Variants in ARHGEF10 observed in about 807,000 individuals in gnomAD.
ARHGEF10 encodes Rho guanine nucleotide exchange factor (GEF) 10.
A neutral mutation model predicts 147.4 loss-of-function variants in ARHGEF10; 140 were observed. That is an observed-to-expected ratio of 0.95 (90% CI 0.83 to 1.09). The LOEUF (loss-of-function observed/expected upper bound fraction) is 1.09. Among genes scored for constraint, ARHGEF10 ranks in the 50% least tolerant of loss-of-function variants. The probability of loss-of-function intolerance (pLI) is 0.00; values close to 1 mark genes in which losing one functional copy is unlikely to be tolerated. For synonymous variants in ARHGEF10, 902 were observed against 695.8 expected, an observed-to-expected ratio of 1.30 and a Z score of -4.67; for missense variants, 2,222 against 1,752.7, an observed-to-expected ratio of 1.27 and a Z score of -4.78.
chr8:1,832,539 GGC>G (rs1803206539), intron 1 of ARHGEF10, among the ~76,000 whole-genome samples: 1 of 149,176 alleles, frequency 6.7e-6, no homozygotes, highest in Non-Finnish European at 1.5e-5. Context: ...GAGACACAGA[GGC>G]AGAGGCAGAG....
chr8:1,866,420 C>T (rs1806616670), intron 5 of ARHGEF10, 106 bp from the exon 6 acceptor site: 9 of 816,528 alleles, frequency 1.1e-5, no homozygotes, highest in Middle Eastern at 2.4e-4. Flanking sequence ...TATATATATT[C>T]TGACACACAC....
intron 4 of ARHGEF10, among the ~76,000 whole-genome samples, chr8:1,863,738 G>A (rs546701013): frequency 6.6e-6 from 1 of 152,238 alleles, no homozygotes; most frequent in Admixed American, 6.5e-5. Context: ...CACCTGTGTG[G>A]AATGTTTGGG....
chr8:1,908,382 C>T (rs1369015729), intron 17 of ARHGEF10, among the ~76,000 whole-genome samples: 1 of 152,006 alleles, frequency 6.6e-6, no homozygotes, highest in Non-Finnish European at 1.5e-5. Context: ...AGGCACCCAC[C>T]ACCACACCCA....
intron 28 of ARHGEF10, among the ~76,000 whole-genome samples, chr8:1,954,877 G>C (rs1208702621): frequency 6.6e-6 from 1 of 152,244 alleles, no homozygotes; most frequent in African/African-American, 2.4e-5. Context: ...TGGTGCCACA[G>C]CTATAGTGCT....
intron 27 of ARHGEF10, among the ~76,000 whole-genome samples, chr8:1,946,976 G>A (rs543623419): frequency 1.3e-4 from 20 of 152,302 alleles, no homozygotes; most frequent in African/African-American, 4.8e-4. Context: ...AGTGAGAAAA[G>A]GAGGTTTATG....
intron 7 of ARHGEF10, among the ~76,000 whole-genome samples, chr8:1,871,694 T>G (rs1356439132): frequency 6.6e-6 from 1 of 152,182 alleles, no homozygotes; most frequent in Non-Finnish European, 1.5e-5. Context: ...GGTAGGCACC[T>G]GTAATTCCAG....
intron 18 of ARHGEF10, among the ~76,000 whole-genome samples, chr8:1,921,076 A>G (rs927448165): frequency 1.3e-5 from 2 of 152,138 alleles, no homozygotes; most frequent in Non-Finnish European, 2.9e-5. Flanking sequence ...GTGAGCCACT[A>G]TGCCTGGCCG....
chr8:1,858,109 C>G lies in ARHGEF10; in HGVS notation c.187C>G (p.Pro63Ala). ...GGAGASEAPA[P>A]TGGEDGAGAE... ...TGCTGGAGCCAGTGAAGCCCCTGCA[C>G]CCACAGGTGAGTTTCCAGGAGGGTC... The change falls in exon 3 of 29, where the codon CCC (proline) becomes GCC (alanine). Residue 63 changes from proline (P) to alanine (A), a missense_variant. Physicochemically the swap from Pro to Ala is conservative, Grantham distance 27 (BLOSUM62 -1). Coordinates refer to ENST00000349830, the MANE Select transcript of ARHGEF10 (RefSeq NM_014629.4). 1 of 1,541,784 alleles carries G rather than the reference C, an allele frequency of 6.5e-7. No homozygotes were observed. The highest frequency in any genetic ancestry group is 8.7e-7 in the Non-Finnish European group (1 of 1,143,426).
At chr8:1,833,035 G>C (rs866735470) in intron 1 of ARHGEF10, among the ~76,000 whole-genome samples, 2 of 4,108 alleles carry the variant, frequency 4.9e-4, no homozygotes, top group Non-Finnish European at 1.3e-3. Flanking sequence ...GACAGGCAGA[G>C]AGAGACAGAG....
At chr8:1,865,725 C>CCT (rs35815236) in intron 5 of ARHGEF10, among the ~76,000 whole-genome samples, 76,415 of 151,846 alleles carry the variant, frequency 0.5, 19,312 homozygotes, top group East Asian at 0.63. Context: ...CACGTGATTC[C>CCT]GTTAGTGACC....
intron 1 of ARHGEF10, among the ~76,000 whole-genome samples, chr8:1,836,113 A>G (rs1194418722): frequency 6.6e-6 from 1 of 151,832 alleles, no homozygotes; most frequent in African/African-American, 2.4e-5. Flanking sequence ...CCCGGGAGGC[A>G]GAGCTTGCAG....
At chr8:1,912,426 C>T (rs1452420845) in intron 18 of ARHGEF10, among the ~76,000 whole-genome samples, 1 of 138,654 alleles carries the variant, frequency 7.2e-6, no homozygotes, top group African/African-American at 2.7e-5. Flanking sequence ...GGGAGCTCAC[C>T]GTCCCTGCAA....
intron 2 of ARHGEF10, among the ~76,000 whole-genome samples, chr8:1,853,460 C>T (rs1805303111): frequency 1.3e-5 from 2 of 152,260 alleles, no homozygotes. Flanking sequence ...GAGATGCTTT[C>T]AGCAGCCCTT....
chr8:1,836,650 C>T (rs1803601571), intron 1 of ARHGEF10, among the ~76,000 whole-genome samples: 2 of 152,134 alleles, frequency 1.3e-5, no homozygotes, highest in Non-Finnish European at 2.9e-5. Context: ...CTGCCGTGGG[C>T]TGTGTAGGGA....
intron 18 of ARHGEF10, among the ~76,000 whole-genome samples, chr8:1,917,386 G>A (rs551249254): frequency 3.9e-5 from 6 of 152,294 alleles, no homozygotes; most frequent in South Asian, 4.1e-4. Context: ...GTCTCACATC[G>A]TGGAGGAGAG....
chr8:1,957,337 G>C lies in ARHGEF10; in HGVS notation c.*74G>C. ...CTCAGCTAATCCTACAGCCTGAGTG[G>C]TTAAGCTGTGTCTACACTGGTTGGG... On this transcript the variant is annotated 3_prime_UTR_variant, in exon 29 of 29. Transcript: ENST00000349830. 6.5e-7 allele frequency: 1 copy of C among 1,550,170 alleles called. No homozygotes were observed. The highest frequency in any genetic ancestry group is 8.7e-7 in the Non-Finnish European group (1 of 1,149,506).
At chr8:1,836,922 C>A (rs1406611079) in intron 1 of ARHGEF10, among the ~76,000 whole-genome samples, 1 of 152,164 alleles carries the variant, frequency 6.6e-6, no homozygotes, top group African/African-American at 2.4e-5. Flanking sequence ...TTTTCTCTTG[C>A]CGCCGCCACG....
intron 11 of ARHGEF10, among the ~76,000 whole-genome samples, chr8:1,887,129 A>G (rs1005935739): frequency 6.6e-6 from 1 of 152,218 alleles, no homozygotes; most frequent in South Asian, 2.1e-4. Flanking sequence ...TGGGGTACCT[A>G]TTCTGGTGAG....
chr8:1,916,873 A>G lies in ARHGEF10; in HGVS notation c.2144-6091A>G, dbSNP rs999875193. 2.6e-5 allele frequency among the ~76,000 whole-genome samples: 4 copies of G among 152,346 alleles called. No homozygotes were observed. The East Asian group carries it at 5.8e-4, about 22-fold the overall frequency. On this transcript the variant is annotated intron_variant, in intron 18 of 28. Transcript: ENST00000349830. ...TTGTATCTGGAGACTGTATTAACAC[A>G]TGAGTGATTTCTCTCCAGCCTTTTC...
Sources: allele counts gnomAD v4.1 joint callset (sites outside exome capture counted in the v4.1 genomes callset), GRCh38; gene constraint gnomAD v4.1.1; transcripts MANE v1.5; gene names NCBI Gene and HGNC (gene_info 2026-07-23, HGNC 2026-07-21).